The following CTNNA2 variants were observed in gnomAD, a reference collection of about 807,000 sequenced individuals.
CTNNA2 encodes the protein catenin alpha-2.
In CTNNA2, 42 loss-of-function variants were observed where a neutral mutation model predicts 101.0. The ratio of observed to expected loss-of-function variants is 0.42; its 90% CI spans 0.32 to 0.54. The LOEUF is 0.54. CTNNA2 is among the 20% of genes least tolerant of loss of function. The pLI is 0.14. For missense variants in CTNNA2, 871 were observed against 1,223.1 expected, an observed-to-expected ratio of 0.71 and a Z score of 4.29; for synonymous variants, 450 against 456.4, an observed-to-expected ratio of 0.99 and a Z score of 0.18.
chr2:79,610,701 G>A (rs1034989927), intron 1 of CTNNA2, among the ~76,000 whole-genome samples: 1 of 152,114 alleles, frequency 6.6e-6, no homozygotes, highest in African/African-American at 2.4e-5. Context: ...TTCCTGTGAA[G>A]AAGGGATGGG....
At chr2:79,651,267 A>G (rs1482661005) in intron 1 of CTNNA2, among the ~76,000 whole-genome samples, 1 of 152,176 alleles carries the variant, frequency 6.6e-6, no homozygotes, top group African/African-American at 2.4e-5. Flanking sequence ...ATAGGTATGC[A>G]TACTCATTGT....
At chr2:80,347,801 C>T (rs766531244) in intron 7 of CTNNA2, among the ~76,000 whole-genome samples, 11 of 151,304 alleles carry the variant, frequency 7.3e-5, no homozygotes, top group Non-Finnish European at 1.5e-4. Flanking sequence ...AGATCCCCAG[C>T]TGATTCATTT....
At chr2:79,564,424 T>C (rs1674982353) in intron 1 of CTNNA2, among the ~76,000 whole-genome samples, 1 of 152,140 alleles carries the variant, frequency 6.6e-6, no homozygotes, top group Admixed American at 6.6e-5. Context: ...CTAATAATAG[T>C]CACTGCTTAT....
chr2:80,109,539 G>T (rs547688674), intron 7 of CTNNA2, among the ~76,000 whole-genome samples: 1 of 152,136 alleles, frequency 6.6e-6, no homozygotes, highest in Non-Finnish European at 1.5e-5. Context: ...AGAGCCTCTG[G>T]TCTCCAGACC....
intron 4 of CTNNA2, among the ~76,000 whole-genome samples, chr2:79,413,158 T>G (rs1421075192): frequency 6.6e-6 from 1 of 152,002 alleles, no homozygotes; most frequent in Non-Finnish European, 1.5e-5. Flanking sequence ...TTGTTGTCAT[T>G]TGCTTTTTTG....
chr2:79,898,411 A>G (rs1264584911), intron 6 of CTNNA2, among the ~76,000 whole-genome samples: 3 of 152,110 alleles, frequency 2.0e-5, no homozygotes, highest in Non-Finnish European at 4.4e-5. Context: ...CTGGGATTAC[A>G]GATGTGAGCC....
intron 2 of CTNNA2, among the ~76,000 whole-genome samples, chr2:79,239,368 G>T (rs999857076): frequency 3.3e-5 from 5 of 152,100 alleles, no homozygotes; most frequent in South Asian, 2.1e-4. Flanking sequence ...GTAGGGAAAA[G>T]ATTTCGTATT....
chr2:79,694,622 A>G (rs1382736165), intron 2 of CTNNA2, among the ~76,000 whole-genome samples: 1 of 151,908 alleles, frequency 6.6e-6, no homozygotes, highest in Non-Finnish European at 1.5e-5. Flanking sequence ...GCCTCAAATC[A>G]TATCTAGTGA....
intron 7 of CTNNA2, among the ~76,000 whole-genome samples, chr2:79,943,107 C>T (rs184988574): frequency 6.6e-6 from 1 of 152,262 alleles, no homozygotes; most frequent in East Asian, 1.9e-4. Flanking sequence ...ATCCCAGCTA[C>T]TCGGTAGGCT....
intron 7 of CTNNA2, among the ~76,000 whole-genome samples, chr2:80,256,587 T>C (rs1450207165): frequency 6.6e-6 from 1 of 152,110 alleles, no homozygotes; most frequent in Non-Finnish European, 1.5e-5. Context: ...TCAATTCAAG[T>C]TTCCTCCACT....
intron 7 of CTNNA2, among the ~76,000 whole-genome samples, chr2:80,180,873 C>A (rs1705734424): frequency 6.6e-6 from 1 of 152,134 alleles, no homozygotes; most frequent in Admixed American, 6.6e-5. Context: ...GCTAACCAAG[C>A]AAATAAACGA....
chr2:80,634,454 A>G (rs1672644260), intron 18 of CTNNA2, among the ~76,000 whole-genome samples: 1 of 151,532 alleles, frequency 6.6e-6, no homozygotes, highest in African/African-American at 2.4e-5. Flanking sequence ...CTGAGCAGTA[A>G]ACAAGAAACC....
chr2:79,887,811 G>T (rs1006341823), intron 6 of CTNNA2, among the ~76,000 whole-genome samples: 2 of 152,172 alleles, frequency 1.3e-5, no homozygotes, highest in African/African-American at 4.8e-5. Flanking sequence ...TCTTCTCCCA[G>T]TGGAGTACCT....
At chr2:79,398,636 C>G (rs1473374252) in intron 4 of CTNNA2, among the ~76,000 whole-genome samples, 1 of 151,928 alleles carries the variant, frequency 6.6e-6, no homozygotes, top group Admixed American at 6.6e-5. Context: ...CTAGCCACAT[C>G]TGAATGACAC....
chr2:80,587,699 G>A (rs914126460), intron 14 of CTNNA2, among the ~76,000 whole-genome samples: 27 of 152,138 alleles, frequency 1.8e-4, no homozygotes, highest in Admixed American at 7.9e-4. Context: ...TATAATTTAG[G>A]AAGCATTTTT....
chr2:79,358,621 G>A (rs1037235310), intron 3 of CTNNA2, among the ~76,000 whole-genome samples: 18 of 152,140 alleles, frequency 1.2e-4, no homozygotes, highest in Non-Finnish European at 2.1e-4. Context: ...ACATAGAATC[G>A]GTAAAGCAGC....
chr2:80,434,056 TTC>T (rs1681794618), intron 9 of CTNNA2, among the ~76,000 whole-genome samples: 2 of 152,204 alleles, frequency 1.3e-5, no homozygotes, highest in South Asian at 4.1e-4. Flanking sequence ...TCTGAAGAGT[TTC>T]TCACGGTCAA....
At chr2:80,046,126 A>G (rs1395854646) in intron 7 of CTNNA2, among the ~76,000 whole-genome samples, 1 of 152,236 alleles carries the variant, frequency 6.6e-6, no homozygotes, top group East Asian at 1.9e-4. Flanking sequence ...GAATAAAACA[A>G]GTTCCATCAT....
At chr2:80,305,858 G>T (rs565842201) in intron 7 of CTNNA2, among the ~76,000 whole-genome samples, 1 of 152,276 alleles carries the variant, frequency 6.6e-6, no homozygotes, top group South Asian at 2.1e-4. Context: ...AAGATGCCCA[G>T]GGAGATGGTA....
Sources: gnomAD v4.1 joint callset for allele counts (sites outside exome capture counted in the v4.1 genomes callset) on GRCh38, gnomAD v4.1.1 for gene constraint, MANE v1.5 for transcripts, NCBI Gene and HGNC (gene_info 2026-07-23, HGNC 2026-07-21) for gene names.